The following FCAMR variants were observed in gnomAD, a reference collection of about 807,000 sequenced individuals.
FCAMR encodes the protein Fc alpha and mu receptor.
A neutral mutation model predicts 52.2 loss-of-function variants in FCAMR; 51 were observed. That is an observed-to-expected ratio of 0.98 (90% confidence interval 0.78 to 1.23). The LOEUF (loss-of-function observed/expected upper bound fraction) is 1.23, where lower values mean the gene tolerates loss of function less well. Ranked by LOEUF, FCAMR falls within the 50% of genes most tolerant of loss-of-function variation. The probability of loss-of-function intolerance (pLI) is 0.00; values close to 1 mark genes in which losing one functional copy is unlikely to be tolerated. For synonymous variants in FCAMR, 282 were observed against 262.0 expected, an observed-to-expected ratio of 1.08 and a Z score of -0.74; for missense variants, 719 against 712.6, an observed-to-expected ratio of 1.01 and a Z score of -0.10.
chr1:206,967,749 G>C, intron 1 of FCAMR, 98 bp from the exon 2 acceptor site: 3 of 1,124,992 alleles, frequency 2.7e-6, no homozygotes, highest in Non-Finnish European at 4.0e-6. Context: ...TTAAATCTCA[G>C]ACCAAGTAGC....
intron 6 of FCAMR, 168 bp downstream of exon 6, chr1:206,960,254 G>C: frequency 1.6e-6 from 1 of 640,156 alleles, no homozygotes; most frequent in East Asian, 2.8e-5. Context: ...TACTCAGGGA[G>C]CGTTCTCACA....
chr1:206,960,312 C>T (rs762493831), intron 6 of FCAMR, 110 bp downstream of exon 6: 11 of 1,168,698 alleles, frequency 9.4e-6, no homozygotes, highest in Non-Finnish European at 1.3e-5. Flanking sequence ...ATGTCACTGT[C>T]TTGTGGGTAC....
At position 206,960,632 on chromosome 1, in the gene FCAMR, A is replaced by G. The variant is rs1680470733; in HGVS notation, c.1244T>C (p.Met415Thr). 3 of 1,551,784 alleles carry G rather than the reference A, an allele frequency of 1.9e-6. No individual in the cohort carries two copies. The highest frequency in any genetic ancestry group is 2.6e-6 in the Non-Finnish European group (3 of 1,147,026). Residue 415 changes from methionine to threonine, a missense_variant, in exon 6 of 8, where the codon ATG becomes ACG. Met to Thr is a moderately conservative substitution (Grantham distance 81). Coordinates refer to ENST00000324852, the MANE Select transcript of FCAMR (RefSeq NM_001170631.2). Reference sequence around the variant, plus strand: ...TGCAGCTGGAGTTCCCAAGGTCCACATGCCTGCAGCTGGAGTTGTTTCTCC... The same window carrying G: ...TGCAGCTGGAGTTCCCAAGGTCCACGTGCCTGCAGCTGGAGTTGTTTCTCC... ...SIGETTPAAG[M>T]WTLGTPAADV...
Position 206,961,097 on chromosome 1 carries a change from G to C in FCAMR, c.779C>G (p.Thr260Arg). The change falls in exon 6 of 8, where the codon ACA (threonine) becomes AGA (arginine). Residue 260 changes from threonine (T) to arginine (R), a missense_variant. Thr to Arg is a moderately conservative substitution (Grantham distance 71). Coordinates refer to ENST00000324852, the MANE Select transcript of FCAMR (RefSeq NM_001170631.2). ...PGTTQTLGQG[T>R]AWDTVASTPG... ...AGTGGAAGCAACTGTGTCCCATGCT[G>C]TCCCCTGTCCTAAGGTCTGGGTGGT... 6.4e-7 allele frequency: 1 copy of C among 1,551,816 alleles called. No individual in the cohort carries two copies. The highest frequency in any genetic ancestry group is 1.2e-5 in the South Asian group (1 of 84,052).
At chr1:206,968,029 C>G (rs1176270573) in intron 1 of FCAMR, among the ~76,000 whole-genome samples, 1 of 152,170 alleles carries the variant, frequency 6.6e-6, no homozygotes, top group South Asian at 2.1e-4. Flanking sequence ...GGTCTTTTAC[C>G]GCTTGCTGAT....
intron 6 of FCAMR, chr1:206,960,017 G>A (rs1572659003): frequency 1.8e-6 from 1 of 550,250 alleles, no homozygotes; most frequent in East Asian, 3.0e-5. Context: ...ACCCATCTGT[G>A]TGTGGGCCCT....
At chr1:206,969,708 G>A (rs11591193) in intron 1 of FCAMR, among the ~76,000 whole-genome samples, 27,520 of 152,070 alleles carry the variant, frequency 0.18, 2,565 homozygotes, top group East Asian at 0.33. Flanking sequence ...AGAGGAGAGA[G>A]CACAGAACCA....
chr1:206,964,895 G>A (rs536080151), intron 4 of FCAMR, among the ~76,000 whole-genome samples: 67 of 152,274 alleles, frequency 4.4e-4, no homozygotes, highest in African/African-American at 1.6e-3. Context: ...CAACAGCAGA[G>A]CATTAAGCCA....
chr1:206,963,075 A>G (rs759710554), intron 4 of FCAMR, among the ~76,000 whole-genome samples: 1 of 152,364 alleles, frequency 6.6e-6, no homozygotes, highest in South Asian at 2.1e-4. Flanking sequence ...TCTGGTTTGC[A>G]TGGAATGTAA....
Position 206,958,326 on chromosome 1 carries a change from T to G in FCAMR, c.*190A>C. On this transcript the variant is annotated 3_prime_UTR_variant, in exon 8 of 8. Transcript: ENST00000324852. ...TCTCCTTTGAGTCATCTTGTCACCT[T>G]TGGACGTGGATAATGCTTGACTTTC... The G allele has an allele frequency of 1.6e-6, 1 of 612,598 alleles. No individual in the cohort carries two copies. Among genetic ancestry groups the G allele is most frequent in the Non-Finnish European group, 2.8e-6 (1 of 356,266 alleles). 37.9% of individuals were successfully genotyped at this position (612,598 alleles called of 1,614,324 possible).
At chr1:206,964,566 C>G (rs1282140918) in intron 4 of FCAMR, among the ~76,000 whole-genome samples, 1 of 151,808 alleles carries the variant, frequency 6.6e-6, no homozygotes, top group Admixed American at 6.6e-5. Context: ...GGGCCTCCCC[C>G]CACCCCTTCT....
intron 4 of FCAMR, among the ~76,000 whole-genome samples, chr1:206,964,473 T>C (rs973345944): frequency 4.0e-5 from 6 of 151,626 alleles, no homozygotes. Context: ...GGTGATTGGG[T>C]TGTGGGGGAG....
chr1:206,969,682 G>C (rs553391573), intron 1 of FCAMR, among the ~76,000 whole-genome samples: 1 of 152,164 alleles, frequency 6.6e-6, no homozygotes, highest in Admixed American at 6.5e-5. Context: ...AAGAAGGGAA[G>C]GAGTCAGTGT....
At chr1:206,966,381 T>TTTTTTG (rs547476604) in intron 3 of FCAMR, among the ~76,000 whole-genome samples, 45 of 152,222 alleles carry the variant, frequency 3.0e-4, no homozygotes, top group African/African-American at 8.2e-4. Flanking sequence ...ATTGGCTACA[T>TTTTTTG]TTTTTGTTTT....
intron 3 of FCAMR, 38 bp from the exon 4 acceptor site, chr1:206,965,896 T>C: frequency 6.2e-7 from 1 of 1,608,950 alleles, no homozygotes; most frequent in Non-Finnish European, 8.5e-7. Context: ...CAGGGGGCCA[T>C]CCATGTGTCC....
At position 206,959,806 on chromosome 1, in the gene FCAMR, G is replaced by T. The variant is rs1200374025; in HGVS notation, c.1455-9C>A. The T allele has an allele frequency of 6.2e-7, 1 of 1,603,456 alleles. No homozygotes were observed. Among genetic ancestry groups the T allele is most frequent in the African/African-American group, 1.3e-5 (1 of 74,814 alleles). On this transcript the variant is annotated splice_polypyrimidine_tract_variant and intron_variant, in intron 6 of 7. Coordinates refer to ENST00000324852, the MANE Select transcript of FCAMR (RefSeq NM_001170631.2). ...CATCTTCTGGAAAAGTACTACAGTG[G>T]GGGTGGAAAGAGCACAGGGGAGAGG...
intron 2 of FCAMR, 57 bp downstream of exon 2, chr1:206,967,526 C>G: frequency 1.9e-6 from 3 of 1,562,258 alleles, no homozygotes; most frequent in South Asian, 2.3e-5. Context: ...CTCAGGGATT[C>G]GATTCCTTTT....
At chr1:206,966,248 G>T (rs1680703306) in intron 3 of FCAMR, among the ~76,000 whole-genome samples, 1 of 152,066 alleles carries the variant, frequency 6.6e-6, no homozygotes, top group Non-Finnish European at 1.5e-5. Context: ...ATTAATTTAG[G>T]ACTATTACTT....
intron 6 of FCAMR, 48 bp from the exon 7 acceptor site, chr1:206,959,845 G>T: frequency 6.9e-7 from 1 of 1,452,378 alleles, no homozygotes; most frequent in Non-Finnish European, 9.7e-7. Flanking sequence ...TTGGAGCTGG[G>T]CAGAAGATTA....
Sources: allele counts gnomAD v4.1 joint callset (sites outside exome capture counted in the v4.1 genomes callset), GRCh38; gene constraint gnomAD v4.1.1; transcripts MANE v1.5; gene names NCBI Gene and HGNC (gene_info 2026-07-23, HGNC 2026-07-21).